The following PAPPA2 variants were observed in gnomAD, a reference collection of about 807,000 sequenced individuals.
PAPPA2 encodes the protein pappalysin-2.
Under a neutral mutation model 176.4 loss-of-function variants are expected in PAPPA2, and 86 were observed. The ratio of observed to expected loss-of-function variants is 0.49; its 90% CI spans 0.41 to 0.58. The LOEUF (loss-of-function observed/expected upper bound fraction) is 0.58, where lower values mean the gene tolerates loss of function less well. Ranked by LOEUF, PAPPA2 falls within the 20% of genes least tolerant of loss-of-function variation. The pLI is 0.00. For missense variants in PAPPA2, 2,073 were observed against 2,256.9 expected, an observed-to-expected ratio of 0.92 and a Z score of 1.65; for synonymous variants, 809 against 852.2, an observed-to-expected ratio of 0.95 and a Z score of 0.88.
chr1:176,598,132 A>T (rs1654084823), intron 3 of PAPPA2, among the ~76,000 whole-genome samples: 1 of 152,246 alleles, frequency 6.6e-6, no homozygotes, highest in Non-Finnish European at 1.5e-5. Context: ...AAAGTAAAAA[A>T]GTGCTCATGG....
chr1:176,713,224 T>C (rs1454108064), intron 12 of PAPPA2, among the ~76,000 whole-genome samples: 1 of 151,884 alleles, frequency 6.6e-6, no homozygotes, highest in Non-Finnish European at 1.5e-5. Flanking sequence ...GGTGCCATCA[T>C]AGCTTACTAT....
At chr1:176,643,028 A>G (rs1174441360) in intron 3 of PAPPA2, among the ~76,000 whole-genome samples, 1 of 151,914 alleles carries the variant, frequency 6.6e-6, no homozygotes, top group East Asian at 1.9e-4. Flanking sequence ...TAAAAAACAT[A>G]TAAGACCTCA....
chr1:176,737,488 T>C (rs1662472443), intron 12 of PAPPA2, among the ~76,000 whole-genome samples: 1 of 152,122 alleles, frequency 6.6e-6, no homozygotes, highest in South Asian at 2.1e-4. Flanking sequence ...TGAATGAAAC[T>C]TGGCTACCTT....
rs1345228936 is a variant in PAPPA2, at chr1:176,699,212, G to A, written c.2859G>A (p.Leu953=). The A allele has an allele frequency of 6.2e-7, 1 of 1,614,154 alleles. No homozygotes were observed. Among genetic ancestry groups the A allele is most frequent in the Admixed American group, 1.7e-5 (1 of 60,014 alleles). Reference sequence around the variant, plus strand: ...CCTGCCCCACAGAAGGCTGTAGCTTGGAGCTGCTCTTCCAACACCCGGTCC... The same window carrying A: ...CCTGCCCCACAGAAGGCTGTAGCTTAGAGCTGCTCTTCCAACACCCGGTCC... ...TVPCPTEGCS[L]ELLFQHPVQA... The change falls in exon 8 of 23, where the codon TTG becomes TTA. Residue 953 remains leucine, a synonymous_variant. Coordinates refer to ENST00000367662, the MANE Select transcript of PAPPA2 (RefSeq NM_020318.3).
At chr1:176,604,461 TG>T (rs1226195151) in intron 3 of PAPPA2, among the ~76,000 whole-genome samples, 2 of 152,226 alleles carry the variant, frequency 1.3e-5, no homozygotes, top group African/African-American at 4.8e-5. Flanking sequence ...GTACAGTGGT[TG>T]GCAAACCATG....
At chr1:176,816,373 T>A (rs954125736) in intron 21 of PAPPA2, among the ~76,000 whole-genome samples, 1 of 56,424 alleles carries the variant, frequency 1.8e-5, no homozygotes, top group Admixed American at 1.6e-4. Context: ...TCTGACATCA[T>A]CACGCACACA....
chr1:176,482,141 A>T (rs1183825295), intron 1 of PAPPA2, among the ~76,000 whole-genome samples: 1 of 152,192 alleles, frequency 6.6e-6, no homozygotes, highest in Non-Finnish European at 1.5e-5. Flanking sequence ...ACTGTGAAAA[A>T]ATCTCACTGC....
intron 1 of PAPPA2, among the ~76,000 whole-genome samples, chr1:176,512,221 C>CAAA (rs58968098): frequency 1.9e-5 from 2 of 105,732 alleles, no homozygotes; most frequent in African/African-American, 7.2e-5. Flanking sequence ...ACTAAATTTG[C>CAAA]AAAAAAAAAA....
At chr1:176,770,775 A>T (rs1174799455) in intron 16 of PAPPA2, among the ~76,000 whole-genome samples, 192 bp from the exon 17 acceptor site, 1 of 152,218 alleles carries the variant, frequency 6.6e-6, no homozygotes, top group Non-Finnish European at 1.5e-5. Context: ...TAAGAGCATC[A>T]CACTGGATGC....
intron 2 of PAPPA2, among the ~76,000 whole-genome samples, chr1:176,571,757 C>T (rs1182211136): frequency 6.6e-6 from 1 of 152,178 alleles, no homozygotes; most frequent in Non-Finnish European, 1.5e-5. Context: ...CCACTATTCT[C>T]AACTAACTAT....
At chr1:176,680,797 GTAGTTCTTGTGTCTGTGGATGAA>G (rs1659550280) in intron 4 of PAPPA2, among the ~76,000 whole-genome samples, 3 of 152,222 alleles carry the variant, frequency 2.0e-5, no homozygotes, top group African/African-American at 7.2e-5. Flanking sequence ...CAACCCCAAA[GTAGTTCTTGTGTCTGTGGATGAA>G]TAGTAATTAT....
chr1:176,692,582 T>C (rs974794195), intron 6 of PAPPA2, among the ~76,000 whole-genome samples: 2 of 152,184 alleles, frequency 1.3e-5, no homozygotes, highest in Admixed American at 1.3e-4. Context: ...CAGGGATAAA[T>C]TGGCAGAACG....
intron 3 of PAPPA2, among the ~76,000 whole-genome samples, chr1:176,642,697 C>G (rs1314606210): frequency 1.3e-5 from 2 of 151,784 alleles, no homozygotes; most frequent in Non-Finnish European, 2.9e-5. Context: ...TAACTGATAG[C>G]TAAAATAAGT....
chr1:176,805,923 G>C (rs1188656018), intron 21 of PAPPA2, among the ~76,000 whole-genome samples: 1 of 147,154 alleles, frequency 6.8e-6, no homozygotes, highest in African/African-American at 2.6e-5. Context: ...CAGGAGTTTA[G>C]GTTACGGTGA....
At chr1:176,774,032 A>G (rs1664345640) in intron 17 of PAPPA2, among the ~76,000 whole-genome samples, 1 of 152,122 alleles carries the variant, frequency 6.6e-6, no homozygotes, top group African/African-American at 2.4e-5. Flanking sequence ...TGGAGTCAGG[A>G]TCTTTATTAT....
chr1:176,620,625 A>G (rs942593645), intron 3 of PAPPA2, among the ~76,000 whole-genome samples: 1 of 152,332 alleles, frequency 6.6e-6, no homozygotes, highest in Non-Finnish European at 1.5e-5. Context: ...AATGATTATG[A>G]TTGTGTTCCA....
chr1:176,634,805 GATAGAT>G (rs1558486616), intron 3 of PAPPA2, among the ~76,000 whole-genome samples: 42 of 125,286 alleles, frequency 3.4e-4, no homozygotes, highest in African/African-American at 1.1e-3. Flanking sequence ...GAGAGAGATA[GATAGAT>G]AGATAGATAG....
intron 21 of PAPPA2, among the ~76,000 whole-genome samples, chr1:176,823,239 G>A (rs1331006868): frequency 1.3e-5 from 2 of 152,118 alleles, no homozygotes; most frequent in African/African-American, 2.4e-5. Context: ...ACTACTGTCT[G>A]TATTAGTCAA....
At chr1:176,721,747 G>A (rs1661630987) in intron 12 of PAPPA2, among the ~76,000 whole-genome samples, 1 of 152,044 alleles carries the variant, frequency 6.6e-6, no homozygotes, top group African/African-American at 2.4e-5. Context: ...AGGCCTACCT[G>A]TCTTTGCATA....
Sources: gnomAD v4.1 joint callset for allele counts (sites outside exome capture counted in the v4.1 genomes callset) on GRCh38, gnomAD v4.1.1 for gene constraint, MANE v1.5 for transcripts, NCBI Gene and HGNC (gene_info 2026-07-23, HGNC 2026-07-21) for gene names.